The following UBE4B variants were observed in gnomAD, a reference collection of about 807,000 sequenced individuals.
The protein encoded by UBE4B is ubiquitin conjugation factor E4 B.
A neutral mutation model predicts 148.1 loss-of-function variants in UBE4B; 27 were observed. The ratio of observed to expected loss-of-function variants is 0.18; its 90% CI spans 0.13 to 0.25. The LOEUF (loss-of-function observed/expected upper bound fraction) is 0.25. Ranked by LOEUF, UBE4B falls within the 10% of genes least tolerant of loss-of-function variation. The pLI, the probability that UBE4B is intolerant of heterozygous loss-of-function variation, is 1.00. For synonymous variants in UBE4B, 596 were observed against 619.3 expected (o/e 0.96, Z 0.56); for missense variants, 1,170 against 1,662.4 (o/e 0.70, Z 5.15).
At chr1:10,084,481 G>A (rs1644732122) in intron 2 of UBE4B, among the ~76,000 whole-genome samples, 1 of 151,760 alleles carries the variant, frequency 6.6e-6, no homozygotes, top group Admixed American at 6.6e-5. Flanking sequence ...AGTAGAGATC[G>A]TGCCACACAA....
intron 7 of UBE4B, chr1:10,107,275 GTGATGAAGAAGA>G: frequency 7.8e-7 from 1 of 1,289,652 alleles, no homozygotes; most frequent in Non-Finnish European, 1.0e-6. Flanking sequence ...GGGGACAGTA[GTGATGAAGAAGA>G]TGAAGAAGAA....
In UBE4B at chr1:10,084,023, C is replaced by A. The variant is rs1282353150; in HGVS notation, c.212-11438C>A. Among the ~76,000 whole-genome samples, 3 of 152,126 alleles carry A rather than the reference C, an allele frequency of 2.0e-5. No individual in the cohort carries two copies. In the East Asian group the frequency reaches 5.8e-4, roughly 29 times the overall value. On this transcript the variant is annotated intron_variant, in intron 2 of 27. Transcript: ENST00000343090. ...TGCACTTTTCCCTATCCGCAGCCCC[C>A]ACCCCCTGCCCCATTTTTGCTAACC...
At chr1:10,049,292 G>A (rs1299638869) in intron 1 of UBE4B, among the ~76,000 whole-genome samples, 1 of 152,180 alleles carries the variant, frequency 6.6e-6, no homozygotes, top group Admixed American at 6.5e-5. Flanking sequence ...TCAGGCTGCA[G>A]CTGGGGACAC....
intron 12 of UBE4B, among the ~76,000 whole-genome samples, 165 bp downstream of exon 12, chr1:10,129,613 C>T (rs538760005): frequency 2.0e-5 from 3 of 152,218 alleles, no homozygotes; most frequent in East Asian, 1.9e-4. Flanking sequence ...TTGTTAGACA[C>T]GTTATATCCT....
chr1:10,037,207 AG>A (rs1483135474), intron 1 of UBE4B, among the ~76,000 whole-genome samples: 1 of 152,110 alleles, frequency 6.6e-6, no homozygotes, highest in African/African-American at 2.4e-5. Context: ...TTGTATTTTT[AG>A]TAGCGACGGG....
In UBE4B at chr1:10,126,830, G is replaced by A; in HGVS notation, c.1591G>A (p.Ala531Thr). The change falls in exon 11 of 28, where the codon GCC becomes ACC. Residue 531 changes from alanine (A) to threonine (T), a missense_variant. Coordinates refer to ENST00000343090, the MANE Select transcript of UBE4B (RefSeq NM_001105562.3). ...IPILQGLALA[A>T]KECSLDSDYF... is the part of the protein sequence containing the mutation. ...CATTTTACAAGGCCTGGCTCTTGCT[G>A]CCAAAGAGTGCTCCCTCGACAGTGA... 6.2e-7 allele frequency: 1 copy of A among 1,613,910 alleles called. No individual in the cohort carries two copies. The highest frequency in any genetic ancestry group is 1.1e-5 in the South Asian group (1 of 91,064).
At chr1:10,157,352 C>A (rs1185984247) in intron 21 of UBE4B, among the ~76,000 whole-genome samples, 6 of 152,074 alleles carry the variant, frequency 3.9e-5, no homozygotes. Flanking sequence ...GTGGATACAC[C>A]TCCAGTCCCA....
At chr1:10,156,024 C>T (rs1224883847) in intron 21 of UBE4B, among the ~76,000 whole-genome samples, 2 of 143,866 alleles carry the variant, frequency 1.4e-5, no homozygotes, top group African/African-American at 5.1e-5. Context: ...AGTGAGACTC[C>T]ATCTCAAAAA....
chr1:10,166,932 A>T (rs1050826965), intron 23 of UBE4B, among the ~76,000 whole-genome samples: 2 of 147,210 alleles, frequency 1.4e-5, no homozygotes, highest in African/African-American at 5.2e-5. Flanking sequence ...CTCAAAAAAA[A>T]TAAATAAATC....
chr1:10,097,729 G>T (rs1370729920), intron 3 of UBE4B, among the ~76,000 whole-genome samples: 5 of 151,996 alleles, frequency 3.3e-5, no homozygotes, highest in African/African-American at 1.2e-4. Flanking sequence ...AGAGTCGCTT[G>T]AACTTGGGAG....
intron 2 of UBE4B, among the ~76,000 whole-genome samples, chr1:10,084,319 C>A (rs1028501542): frequency 3.3e-5 from 5 of 152,160 alleles, no homozygotes; most frequent in Admixed American, 6.6e-5. Flanking sequence ...CCTTCCTCGT[C>A]TCCTTATTTC....
chr1:10,122,473 A>T (rs944367091), intron 10 of UBE4B, among the ~76,000 whole-genome samples: 1 of 152,240 alleles, frequency 6.6e-6, no homozygotes, highest in Non-Finnish European at 1.5e-5. Context: ...TAATGACCAT[A>T]TTAGCTCATT....
Position 10,158,528 on chromosome 1 carries a change from G to A in UBE4B, c.3053+46G>A, listed in dbSNP as rs984946080. 4 of 1,598,620 alleles carry A rather than the reference G, an allele frequency of 2.5e-6. No individual in the cohort carries two copies. In the African/African-American group the frequency reaches 4.0e-5, roughly 16 times the overall value. ...GTCACAACTTGCTTTCTTGCAAATC[G>A]CAGGTAGGATTGCAGCTTAAAAGCA... On this transcript the variant is annotated intron_variant, in intron 22 of 27. Coordinates refer to ENST00000343090, the MANE Select transcript of UBE4B (RefSeq NM_001105562.3).
At position 10,158,372 on chromosome 1, in the gene UBE4B, A is replaced by G; in HGVS notation, c.2943A>G (p.Gly981=). The G allele has an allele frequency of 6.2e-7, 1 of 1,614,182 alleles. No individual in the cohort carries two copies. Among genetic ancestry groups the G allele is most frequent in the Non-Finnish European group, 8.5e-7 (1 of 1,180,030 alleles). Residue 981 remains glycine (G), a synonymous_variant, in exon 22 of 28, where the codon GGA becomes GGG. Transcript: ENST00000343090. ...MKFYTDVEHT[G]ATSEFYDKFT... ...CTTCTTTAGATGTTGAGCATACCGG[A>G]GCCACCAGTGAGTTTTATGACAAGT...
At position 10,168,691 on chromosome 1, in the gene UBE4B, G is replaced by C. The variant is rs1225787889; in HGVS notation, c.3333+421G>C. Among the ~76,000 whole-genome samples, 2 of 152,154 alleles carry C rather than the reference G, an allele frequency of 1.3e-5. No individual in the cohort carries two copies. Among genetic ancestry groups the C allele is most frequent in the Non-Finnish European group, 2.9e-5 (2 of 68,024 alleles). ...GCAGATCACGAGGTCAGGAGATGGA[G>C]ACCATCCTGGCTAACACAGTGAAAC... On this transcript the variant is annotated intron_variant, in intron 24 of 27. Transcript: ENST00000343090. The surrounding 1 kb of genome is among the most constrained non-coding windows in gnomAD (Gnocchi z 4.9).
intron 1 of UBE4B, among the ~76,000 whole-genome samples, chr1:10,051,876 T>C (rs1251373670): frequency 1.3e-5 from 2 of 151,550 alleles, no homozygotes; most frequent in Non-Finnish European, 3.0e-5. Context: ...TATTAACTAC[T>C]CAACAGCTGC....
intron 18 of UBE4B, among the ~76,000 whole-genome samples, chr1:10,145,785 C>G (rs1013386788): frequency 2.0e-5 from 3 of 152,116 alleles, no homozygotes; most frequent in Non-Finnish European, 4.4e-5. Flanking sequence ...GCCCCTCATT[C>G]TTTCTTTTTA....
chr1:10,074,707 G>A (rs188107283), intron 2 of UBE4B, among the ~76,000 whole-genome samples: 5 of 152,248 alleles, frequency 3.3e-5, no homozygotes, highest in African/African-American at 4.8e-5. Flanking sequence ...TGCATTCTCT[G>A]TATCTGTTCC....
Position 10,168,891 on chromosome 1 carries a change from CAAAAA to C in UBE4B, c.3333+633_3333+637del. On this transcript the variant is annotated intron_variant, in intron 24 of 27. Coordinates refer to ENST00000343090, the MANE Select transcript of UBE4B (RefSeq NM_001105562.3). This position sits in a 1 kb window ranked among gnomAD's most constrained non-coding sequence, Gnocchi z 4.9. Reference sequence around the variant, plus strand: ...TGGGCGACAGAGTGAGACTCCATCTCAAAAAAAAAAAAAAAAGAAGAAGAAAAAGC... The same window carrying C: ...TGGGCGACAGAGTGAGACTCCATCTCAAAAAAAAAAAGAAGAAGAAAAAGC... 3.2e-5 allele frequency among the ~76,000 whole-genome samples: 2 copies of C among 61,700 alleles called. No individual in the cohort carries two copies. Among genetic ancestry groups the C allele is most frequent in the Middle Eastern group, 0.021 (2 of 96 alleles). The allele number at this position is 61,700 out of a possible 152,430, so 40.5% of individuals were successfully genotyped here.
Sources: gnomAD v4.1 joint callset for allele counts (sites outside exome capture counted in the v4.1 genomes callset) on GRCh38, gnomAD v4.1.1 for gene constraint, Gnocchi (gnomAD v3.1) non-coding constraint, MANE v1.5 for transcripts, NCBI Gene and HGNC (gene_info 2026-07-23, HGNC 2026-07-21) for gene names.